KCNK2: variants seen among roughly 807,000 people sequenced by gnomAD.
KCNK2 encodes the protein potassium channel subfamily K member 2.
Under a neutral mutation model 40.5 loss-of-function variants are expected in KCNK2, and 21 were observed. The observed-to-expected ratio is 0.52, with a 90% CI of 0.37 to 0.75. The LOEUF (loss-of-function observed/expected upper bound fraction) is 0.75, where lower values mean the gene tolerates loss of function less well. KCNK2 is among the 30% of genes least tolerant of loss of function. The pLI is 0.00. For synonymous variants in KCNK2, 191 were observed against 202.2 expected, an observed-to-expected ratio of 0.94 and a Z score of 0.47; for missense variants, 399 against 531.6, an observed-to-expected ratio of 0.75 and a Z score of 2.45.
chr1:215,084,681 A>G (rs988922073), intron 1 of KCNK2, among the ~76,000 whole-genome samples: 1 of 152,216 alleles, frequency 6.6e-6, no homozygotes, highest in Non-Finnish European at 1.5e-5. Context: ...AAAGGTATCT[A>G]CTAGCTTGTG....
At chr1:215,162,874 G>GCT (rs1553268913) in intron 3 of KCNK2, among the ~76,000 whole-genome samples, 167 of 147,570 alleles carry the variant, frequency 1.1e-3, no homozygotes, top group South Asian at 2.2e-3. Context: ...TGCCAGGTTT[G>GCT]TTTTTTTTTT....
intron 3 of KCNK2, among the ~76,000 whole-genome samples, chr1:215,163,927 G>T (rs913903237): frequency 4.6e-5 from 7 of 152,110 alleles, no homozygotes; most frequent in African/African-American, 1.4e-4. Context: ...GATGATGCTG[G>T]CCTCATAAAA....
At chr1:215,121,482 C>T (rs1447763310) in intron 2 of KCNK2, among the ~76,000 whole-genome samples, 5 of 152,086 alleles carry the variant, frequency 3.3e-5, no homozygotes, top group Non-Finnish European at 2.9e-5. Flanking sequence ...ACTGTATTGC[C>T]CAGGCTGGTC....
At chr1:215,117,002 A>T (rs997388528) in intron 2 of KCNK2, among the ~76,000 whole-genome samples, 5 of 152,048 alleles carry the variant, frequency 3.3e-5, no homozygotes, top group Non-Finnish European at 7.4e-5. Flanking sequence ...AAAGAAAAAG[A>T]TTATTGATGC....
intron 1 of KCNK2, among the ~76,000 whole-genome samples, chr1:215,072,477 T>G (rs2102516431): frequency 6.6e-6 from 1 of 152,386 alleles, no homozygotes; most frequent in South Asian, 2.1e-4. Flanking sequence ...TTGCATTAGT[T>G]GCCTCTCTTA....
At chr1:215,171,918 TTGTCTCTC>T in intron 4 of KCNK2, 71 bp from the exon 5 acceptor site, 1 of 785,128 alleles carries the variant, frequency 1.3e-6, no homozygotes, top group Non-Finnish European at 1.8e-6. Flanking sequence ...CTCTCTCTCT[TTGTCTCTC>T]TCTCTCTCTC....
At chr1:215,201,718 G>A (rs1044641083) in intron 6 of KCNK2, among the ~76,000 whole-genome samples, 2 of 152,150 alleles carry the variant, frequency 1.3e-5, no homozygotes, top group Admixed American at 1.3e-4. Context: ...GGAGGATTGC[G>A]TAGGTGGTGT....
intron 6 of KCNK2, among the ~76,000 whole-genome samples, chr1:215,233,321 T>C (rs7522160): frequency 0.53 from 80,533 of 151,746 alleles, 22,266 homozygotes; most frequent in East Asian, 0.61. Context: ...AAAAGGCCTG[T>C]TAAAATAAAA....
At chr1:215,018,718 A>G (rs971258800) in intron 1 of KCNK2, among the ~76,000 whole-genome samples, 3 of 152,196 alleles carry the variant, frequency 2.0e-5, no homozygotes, top group African/African-American at 4.8e-5. Context: ...GGAATTACGC[A>G]TGGCCAGTCA....
chr1:215,220,482 C>A (rs543340328), intron 6 of KCNK2, among the ~76,000 whole-genome samples: 1 of 152,168 alleles, frequency 6.6e-6, no homozygotes, highest in African/African-American at 2.4e-5. Context: ...ACTCTGCTAC[C>A]ACCCCTTGAG....
chr1:215,215,664 G>A (rs1665931823), intron 6 of KCNK2, among the ~76,000 whole-genome samples: 1 of 152,152 alleles, frequency 6.6e-6, no homozygotes, highest in South Asian at 2.1e-4. Flanking sequence ...AGGAACATTT[G>A]TTAAAAGGAC....
chr1:215,050,876 G>T (rs920470506), intron 1 of KCNK2, among the ~76,000 whole-genome samples: 12 of 152,112 alleles, frequency 7.9e-5, no homozygotes, highest in Admixed American at 3.3e-4. Flanking sequence ...GAGTTTATTA[G>T]CTCCCGGCAT....
At chr1:215,197,558 A>G (rs996873276) in intron 6 of KCNK2, among the ~76,000 whole-genome samples, 6 of 152,068 alleles carry the variant, frequency 3.9e-5, no homozygotes, top group African/African-American at 1.4e-4. Flanking sequence ...ACCTCATTGA[A>G]CCTTAATTAC....
At chr1:215,044,826 T>TGCGC (rs59432481) in intron 1 of KCNK2, among the ~76,000 whole-genome samples, 30,025 of 140,284 alleles carry the variant, frequency 0.21, 3,827 homozygotes, top group South Asian at 0.43. Flanking sequence ...TGTGTGTGTG[T>TGCGC]GCGCGCGCAC....
chr1:215,223,241 TAAAAA>T (rs56890763), intron 6 of KCNK2, among the ~76,000 whole-genome samples: 2 of 112,054 alleles, frequency 1.8e-5, no homozygotes, highest in African/African-American at 6.8e-5. Flanking sequence ...AGCTCTTTTC[TAAAAA>T]AAAAAAAAAA....
intron 6 of KCNK2, among the ~76,000 whole-genome samples, chr1:215,205,102 T>C (rs1665256269): frequency 1.3e-5 from 2 of 152,216 alleles, no homozygotes; most frequent in Admixed American, 1.3e-4. Flanking sequence ...GTCATTAGTA[T>C]TGATCATGAA....
intron 3 of KCNK2, among the ~76,000 whole-genome samples, chr1:215,141,460 T>C (rs1662170746): frequency 6.6e-6 from 1 of 152,160 alleles, no homozygotes; most frequent in South Asian, 2.1e-4. Flanking sequence ...TTGAGACTGC[T>C]GTTGTATATG....
Position 215,194,961 on chromosome 1 carries a change from G to C in KCNK2, c.832G>C (p.Asp278His), listed in dbSNP as rs1415458038. The change falls in exon 6 of 7, where the codon GAT becomes CAT. Residue 278 changes from aspartate to histidine, a missense_variant. Transcript: ENST00000444842. ...GFGDYVAGGS[D>H]IEYLDFYKPV... ...CTTTGTTTTGTCTCCAGGTGGATCC[G>C]ATATTGAATATCTGGACTTCTATAA... The C allele has an allele frequency of 6.2e-7, 1 of 1,613,032 alleles. No homozygotes were observed. The highest frequency in any genetic ancestry group is 8.5e-7 in the Non-Finnish European group (1 of 1,179,380).
intron 1 of KCNK2, among the ~76,000 whole-genome samples, chr1:215,073,694 A>T (rs1309003198): frequency 3.9e-5 from 6 of 152,012 alleles, no homozygotes; most frequent in Non-Finnish European, 8.8e-5. Flanking sequence ...AGGTGTATTG[A>T]CTTACTTGCT....
Sources: allele counts gnomAD v4.1 joint callset (sites outside exome capture counted in the v4.1 genomes callset), GRCh38; gene constraint gnomAD v4.1.1; transcripts MANE v1.5; gene names NCBI Gene and HGNC (gene_info 2026-07-23, HGNC 2026-07-21).